The following SAMMSON variants were observed in gnomAD, a reference collection of about 807,000 sequenced individuals.
SAMMSON encodes the protein long intergenic non-protein coding RNA 1212.
At chr3:70,185,053 G>C (rs1701082021) in intron 4 of SAMMSON, among the ~76,000 whole-genome samples, 1 of 152,166 alleles carries the variant, frequency 6.6e-6, no homozygotes, top group African/African-American at 2.4e-5. Context: ...GAAACTTACT[G>C]TATTGTATCC....
intron 4 of SAMMSON, chr3:70,205,795 A>G (rs1701284936): frequency 6.6e-6 from 1 of 152,136 alleles, no homozygotes; most frequent in Non-Finnish European, 1.5e-5. Context: ...ATACCTTGTT[A>G]CATTTTCCTT....
intron 2 of SAMMSON, among the ~76,000 whole-genome samples, chr3:70,430,991 T>C (rs1414306218): frequency 6.6e-6 from 1 of 152,086 alleles, no homozygotes; most frequent in East Asian, 1.9e-4. Flanking sequence ...TATTCAGTGG[T>C]TGGATATGGA....
chr3:70,335,281 A>G (rs1479891399), intron 7 of SAMMSON, among the ~76,000 whole-genome samples: 1 of 152,090 alleles, frequency 6.6e-6, no homozygotes, highest in East Asian at 1.9e-4. Context: ...TATATTATGT[A>G]CATAGTACAT....
intron 3 of SAMMSON, among the ~76,000 whole-genome samples, chr3:70,056,195 C>T (rs543413736): frequency 9.2e-5 from 14 of 151,978 alleles, no homozygotes; most frequent in Non-Finnish European, 1.9e-4. Context: ...TTACTAATCT[C>T]AAATTTGATA....
At chr3:70,119,284 C>T (rs570206915) in intron 4 of SAMMSON, among the ~76,000 whole-genome samples, 1 of 152,236 alleles carries the variant, frequency 6.6e-6, no homozygotes, top group African/African-American at 2.4e-5. Context: ...CCAGGCTGCT[C>T]TCGAACTCCT....
At chr3:70,203,496 A>T (rs575887928) in intron 4 of SAMMSON, among the ~76,000 whole-genome samples, 21 of 152,210 alleles carry the variant, frequency 1.4e-4, no homozygotes, top group African/African-American at 5.1e-4. Flanking sequence ...CACAACTAAC[A>T]CTCAAGTCAG....
chr3:70,304,829 C>A (rs147090896), intron 7 of SAMMSON, among the ~76,000 whole-genome samples: 1 of 152,162 alleles, frequency 6.6e-6, no homozygotes, highest in Non-Finnish European at 1.5e-5. Context: ...TATCCAGATT[C>A]CCAACTGACC....
chr3:70,116,814 C>A (rs1376538065), intron 4 of SAMMSON, among the ~76,000 whole-genome samples: 1 of 152,132 alleles, frequency 6.6e-6, no homozygotes, highest in Non-Finnish European at 1.5e-5. Flanking sequence ...GAGATTCATA[C>A]AATCCCAAAG....
chr3:70,251,152 T>A (rs1011260368), intron 6 of SAMMSON, among the ~76,000 whole-genome samples: 3 of 152,174 alleles, frequency 2.0e-5, no homozygotes, highest in African/African-American at 7.2e-5. Flanking sequence ...TTAGAGAAAT[T>A]GCAAAAAGGT....
At position 70,419,787 on chromosome 3, in the gene SAMMSON, T is replaced by C. The variant is rs558259204; in HGVS notation, n.234-42773T>C. On this transcript the variant is annotated intron_variant and non_coding_transcript_variant, in intron 2 of 3. Coordinates refer to the SAMMSON transcript ENST00000641053. The stretch of plus-strand genomic sequence containing the variant: ...CCGAGTAGCTGAGACTACGGGTGCC[T>C]GCCACCACACCCGGCTAATTTTTTA... 2.4e-3 allele frequency among the ~76,000 whole-genome samples: 360 copies of C among 152,180 alleles called. 1 individual carries two copies. Among genetic ancestry groups the C allele is most frequent in the Non-Finnish European group, 3.1e-3 (211 of 67,992 alleles).
chr3:70,369,185 A>G (rs1404820663), intron 9 of SAMMSON, among the ~76,000 whole-genome samples: 5 of 151,704 alleles, frequency 3.3e-5, no homozygotes, highest in African/African-American at 1.2e-4. Context: ...TTGCTTTTAT[A>G]TAGGAAAGCA....
chr3:70,252,269 A>G (rs1036005905), intron 6 of SAMMSON, among the ~76,000 whole-genome samples: 2 of 152,230 alleles, frequency 1.3e-5, no homozygotes, highest in Non-Finnish European at 2.9e-5. Context: ...ACTTAGGCTT[A>G]AAGTATATGT....
chr3:70,303,635 A>G (rs1202728237), intron 7 of SAMMSON, among the ~76,000 whole-genome samples: 3 of 152,102 alleles, frequency 2.0e-5, no homozygotes, highest in South Asian at 4.1e-4. Context: ...CTCCCTTTTA[A>G]TATTGCTGAA....
intron 4 of SAMMSON, among the ~76,000 whole-genome samples, chr3:70,238,197 G>A (rs1169700605): frequency 6.6e-6 from 1 of 151,712 alleles, no homozygotes; most frequent in Non-Finnish European, 1.5e-5. Context: ...CACCAATCCA[G>A]GCGTTCCCTG....
chr3:70,394,854 A>G (rs888499234), downstream of SAMMSON, among the ~76,000 whole-genome samples: 2 of 152,208 alleles, frequency 1.3e-5, no homozygotes, highest in African/African-American at 4.8e-5. Flanking sequence ...TTCTCGTTGC[A>G]CAAAATGCAG....
intron 4 of SAMMSON, among the ~76,000 whole-genome samples, chr3:70,120,887 G>A (rs1240451054): frequency 1.3e-5 from 2 of 152,144 alleles, no homozygotes; most frequent in Non-Finnish European, 2.9e-5. Context: ...GTTTCGGGAT[G>A]ATTCAAGCGC....
At chr3:70,426,646 T>C (rs1701371668) in intron 2 of SAMMSON, among the ~76,000 whole-genome samples, 1 of 152,216 alleles carries the variant, frequency 6.6e-6, no homozygotes, top group African/African-American at 2.4e-5. Context: ...CTTCCTGTAA[T>C]AGCCTTTCCA....
At chr3:70,235,946 C>T (rs1241824694) in intron 4 of SAMMSON, among the ~76,000 whole-genome samples, 1 of 152,120 alleles carries the variant, frequency 6.6e-6, no homozygotes, top group African/African-American at 2.4e-5. Flanking sequence ...GCCATTTTTC[C>T]CACCATCATG....
chr3:70,048,700 C>G (rs937543366), intron 3 of SAMMSON, among the ~76,000 whole-genome samples: 1 of 152,098 alleles, frequency 6.6e-6, no homozygotes, highest in African/African-American at 2.4e-5. Flanking sequence ...CTTACCTTTA[C>G]TAACTTCTTC....
Sources: gnomAD v4.1 joint callset for allele counts (sites outside exome capture counted in the v4.1 genomes callset) on GRCh38, gnomAD v4.1.1 for gene constraint, MANE v1.5 for transcripts, NCBI Gene and HGNC (gene_info 2026-07-23, HGNC 2026-07-21) for gene names.